GRIK2: variants seen among roughly 807,000 people sequenced by gnomAD.
The protein encoded by GRIK2 is glutamate ionotropic receptor kainate type subunit 2, also known as glutamate receptor ionotropic, kainate 2.
In GRIK2, 32 loss-of-function variants were observed where a neutral mutation model predicts 100.3. The ratio of observed to expected loss-of-function variants is 0.32; its 90% CI spans 0.24 to 0.43. The LOEUF (loss-of-function observed/expected upper bound fraction) is 0.43, where lower values mean the gene tolerates loss of function less well. Ranked by LOEUF, GRIK2 falls within the 20% of genes least tolerant of loss-of-function variation. GRIK2 has a pLI of 1.00. For missense variants in GRIK2, 843 were observed against 1,114.9 expected (o/e 0.76, Z 3.47); for synonymous variants, 417 against 389.4 (o/e 1.07, Z -0.83).
intron 10 of GRIK2, among the ~76,000 whole-genome samples, chr6:101,851,053 A>G (rs910873755): frequency 6.6e-6 from 1 of 152,130 alleles, no homozygotes; most frequent in African/African-American, 2.4e-5. Context: ...CTTACTTATC[A>G]GAATTAAATA....
intron 15 of GRIK2, among the ~76,000 whole-genome samples, chr6:102,040,632 G>A (rs148545373): frequency 5.3e-5 from 8 of 151,684 alleles, no homozygotes; most frequent in East Asian, 3.9e-4. Context: ...GTGGAGGTAC[G>A]TTGTTTGTTT....
intron 4 of GRIK2, among the ~76,000 whole-genome samples, chr6:101,627,600 C>T (rs149788645): frequency 1.5e-3 from 224 of 152,076 alleles, no homozygotes; most frequent in African/African-American, 5.1e-3. Flanking sequence ...GCATATAAAA[C>T]GTAACAAACT....
In GRIK2 at chr6:102,069,033, G is replaced by T. The variant is rs543330027; in HGVS notation, c.*522G>T. 6.6e-6 allele frequency: 1 copy of T among 151,844 alleles called. No individual in the cohort carries two copies. The highest frequency in any genetic ancestry group is 1.9e-4 in the East Asian group (1 of 5,160). The allele number at this position is 151,844 out of a possible 1,614,324, so 9.4% of individuals were successfully genotyped here. A position where few individuals can be genotyped will look rare whatever the true frequency, so the allele number is the denominator to read the frequency against. On this transcript the variant is annotated 3_prime_UTR_variant, in exon 17 of 17. Coordinates refer to ENST00000369134, the MANE Select transcript of GRIK2 (RefSeq NM_021956.5). ...ATTATTGTCTGAATGCAAAGTATGT[G>T]TTTATAGGATGTGAAAAAATGTAAT...
intron 11 of GRIK2, among the ~76,000 whole-genome samples, chr6:101,876,516 CACAA>C (rs779499333): frequency 7.0e-6 from 1 of 142,594 alleles, no homozygotes; most frequent in East Asian, 2.5e-4. Context: ...CACACACACA[CACAA>C]AACCTCATCC....
intron 14 of GRIK2, among the ~76,000 whole-genome samples, chr6:101,978,150 A>C (rs998363165): frequency 3.3e-5 from 5 of 151,926 alleles, no homozygotes; most frequent in African/African-American, 4.8e-5. Context: ...TCTGATCTTC[A>C]TGCAGAGTAT....
intron 7 of GRIK2, among the ~76,000 whole-genome samples, chr6:101,774,948 CTT>C (rs1243671353): frequency 6.6e-6 from 1 of 152,088 alleles, no homozygotes; most frequent in Non-Finnish European, 1.5e-5. Flanking sequence ...TTTTCTGAAG[CTT>C]TAACATTTAT....
chr6:101,934,487 A>T (rs528030394), intron 14 of GRIK2, among the ~76,000 whole-genome samples: 1 of 151,950 alleles, frequency 6.6e-6, no homozygotes, highest in South Asian at 2.1e-4. Flanking sequence ...TATGTTTTGA[A>T]GTCTGAATTG....
chr6:101,776,148 G>A (rs907673393), intron 7 of GRIK2, among the ~76,000 whole-genome samples: 3 of 152,110 alleles, frequency 2.0e-5, no homozygotes, highest in African/African-American at 2.4e-5. Context: ...GAGATTTAAT[G>A]TACATGAGAA....
chr6:102,035,603 A>G, intron 15 of GRIK2, 37 bp downstream of exon 15: 1 of 1,238,552 alleles, frequency 8.1e-7, no homozygotes, highest in South Asian at 1.2e-5. Flanking sequence ...TTTGTTCATT[A>G]ATCTGAGTTG....
chr6:101,728,194 G>A (rs1775008115), intron 7 of GRIK2, among the ~76,000 whole-genome samples: 1 of 151,912 alleles, frequency 6.6e-6, no homozygotes, highest in African/African-American at 2.4e-5. Context: ...ATTTAATTTG[G>A]AAGCAAAATG....
intron 2 of GRIK2, among the ~76,000 whole-genome samples, chr6:101,570,363 G>A (rs1470352946): frequency 6.6e-6 from 1 of 152,078 alleles, no homozygotes; most frequent in East Asian, 1.9e-4. Flanking sequence ...ACAAGCAGCA[G>A]ATAGTGAGAG....
chr6:101,681,956 CA>C (rs751370953), intron 5 of GRIK2, among the ~76,000 whole-genome samples: 2 of 152,134 alleles, frequency 1.3e-5, no homozygotes, highest in African/African-American at 2.4e-5. Flanking sequence ...TTAAGATTGA[CA>C]GTCTAAAATT....
At chr6:101,575,774 C>G (rs1351329121) in intron 2 of GRIK2, among the ~76,000 whole-genome samples, 1 of 152,026 alleles carries the variant, frequency 6.6e-6, no homozygotes, top group Non-Finnish European at 1.5e-5. Flanking sequence ...GCTGGTCTAA[C>G]TTTGCATTAA....
At chr6:101,959,561 T>G (rs1240083670) in intron 14 of GRIK2, among the ~76,000 whole-genome samples, 1 of 152,180 alleles carries the variant, frequency 6.6e-6, no homozygotes, top group African/African-American at 2.4e-5. Context: ...TTTGTATTTT[T>G]TTGTTGTTCT....
intron 4 of GRIK2, among the ~76,000 whole-genome samples, chr6:101,662,993 T>C (rs905301276): frequency 6.6e-6 from 1 of 152,138 alleles, no homozygotes; most frequent in African/African-American, 2.4e-5. Context: ...TTGGGGTTGA[T>C]GATATTATTT....
intron 14 of GRIK2, among the ~76,000 whole-genome samples, chr6:101,968,525 C>T (rs1161234519): frequency 1.3e-5 from 2 of 151,974 alleles, no homozygotes; most frequent in Non-Finnish European, 2.9e-5. Context: ...ATCAGACAAT[C>T]CCCGGAGAGT....
intron 14 of GRIK2, among the ~76,000 whole-genome samples, chr6:102,030,853 C>A (rs1302840259): frequency 6.6e-6 from 1 of 150,784 alleles, no homozygotes; most frequent in African/African-American, 2.4e-5. Flanking sequence ...GCTTTGATAT[C>A]CCCTCTGAAC....
At chr6:101,491,650 T>A (rs1052926460) in intron 2 of GRIK2, among the ~76,000 whole-genome samples, 9 of 152,062 alleles carry the variant, frequency 5.9e-5, no homozygotes, top group African/African-American at 2.2e-4. Context: ...AGCATTTGAA[T>A]GTAAGTTGTT....
At chr6:101,656,302 CAAAA>C (rs111721256) in intron 4 of GRIK2, among the ~76,000 whole-genome samples, 1 of 84,014 alleles carries the variant, frequency 1.2e-5, no homozygotes. Context: ...AGACTCCATC[CAAAA>C]AAAAAAAAAA....
Sources: allele counts gnomAD v4.1 joint callset (sites outside exome capture counted in the v4.1 genomes callset), GRCh38; gene constraint gnomAD v4.1.1; transcripts MANE v1.5; gene names NCBI Gene and HGNC (gene_info 2026-07-23, HGNC 2026-07-21).